The following DCC variants were observed in gnomAD, a reference collection of about 807,000 sequenced individuals.
DCC encodes DCC netrin 1 receptor.
A neutral mutation model predicts 172.5 loss-of-function variants in DCC; 58 were observed. The ratio of observed to expected loss-of-function variants is 0.34; its 90% CI spans 0.27 to 0.42. The LOEUF (loss-of-function observed/expected upper bound fraction) is 0.42. Ranked by LOEUF, DCC falls within the 10% of genes least tolerant of loss-of-function variation. DCC has a pLI of 1.00. For synonymous variants in DCC, 709 were observed against 644.5 expected (o/e 1.10, Z -1.52); for missense variants, 1,740 against 1,791.0 (o/e 0.97, Z 0.51).
At chr18:53,309,919 C>G in intron 13 of DCC, among the ~76,000 whole-genome samples, 1 of 99,552 alleles carries the variant, frequency 1.0e-5, no homozygotes, top group Admixed American at 1.2e-4. Context: ...CATATATGTG[C>G]GTGTATATAT....
At chr18:52,847,120 C>A (rs1269583725) in intron 2 of DCC, among the ~76,000 whole-genome samples, 1 of 152,170 alleles carries the variant, frequency 6.6e-6, no homozygotes, top group Non-Finnish European at 1.5e-5. Context: ...TATGTAAAAT[C>A]CCTTCCTGTA....
At chr18:53,364,785 T>C (rs1372631996) in intron 15 of DCC, among the ~76,000 whole-genome samples, 3 of 152,144 alleles carry the variant, frequency 2.0e-5, no homozygotes, top group Admixed American at 6.6e-5. Context: ...TTTATGAACA[T>C]TAGACATCAT....
chr18:52,768,720 G>A (rs2037293898), intron 2 of DCC, among the ~76,000 whole-genome samples: 2 of 152,272 alleles, frequency 1.3e-5, no homozygotes, highest in Admixed American at 6.5e-5. Context: ...GTGTGTGCAT[G>A]TGGTTTATTT....
intron 2 of DCC, among the ~76,000 whole-genome samples, chr18:52,872,253 C>A (rs775606917): frequency 1.6e-4 from 24 of 152,110 alleles, no homozygotes; most frequent in Non-Finnish European, 3.5e-4. Flanking sequence ...AAGAAAAGGA[C>A]ACTTGGCTAG....
intron 2 of DCC, among the ~76,000 whole-genome samples, chr18:52,885,195 AT>A (rs2039551528): frequency 6.6e-6 from 1 of 152,110 alleles, no homozygotes; most frequent in Non-Finnish European, 1.5e-5. Context: ...GTAGGATTCT[AT>A]GATCAGCAAG....
chr18:53,260,871 G>A lies in DCC; in HGVS notation c.1912-44707G>A, dbSNP rs538267059. On this transcript the variant is annotated intron_variant, in intron 12 of 28. Coordinates refer to ENST00000442544, the MANE Select transcript of DCC (RefSeq NM_005215.4). ...TCCACCCTGTTCGAGCTTCAGGGCC[G>A]CTTTGTTTACCTACTCAAGCCTCAG... is the stretch of plus-strand genomic sequence containing the variant. 6.2e-3 allele frequency among the ~76,000 whole-genome samples: 940 copies of A among 152,224 alleles called. 22 individuals carry two copies. Among genetic ancestry groups the A allele is most frequent in the Non-Finnish European group, 7.9e-3 (536 of 68,012 alleles).
At chr18:52,868,174 T>G (rs1568157130) in intron 2 of DCC, among the ~76,000 whole-genome samples, 1 of 151,976 alleles carries the variant, frequency 6.6e-6, no homozygotes, top group South Asian at 2.1e-4. Context: ...ATTTAACAGA[T>G]TCACCTTTTG....
chr18:52,884,579 T>G (rs562918243), intron 2 of DCC, among the ~76,000 whole-genome samples: 3 of 152,314 alleles, frequency 2.0e-5, no homozygotes, highest in African/African-American at 7.2e-5. Flanking sequence ...AAATTTCTGA[T>G]AGAATTCTGA....
intron 10 of DCC, 26 bp downstream of exon 10, chr18:53,205,390 C>T (rs1327710843): frequency 4.3e-6 from 7 of 1,610,538 alleles, no homozygotes; most frequent in Non-Finnish European, 5.9e-6. Context: ...GACCACACTG[C>T]TTCCATCTGT....
At chr18:52,861,563 G>A (rs573037870) in intron 2 of DCC, among the ~76,000 whole-genome samples, 2 of 152,296 alleles carry the variant, frequency 1.3e-5, no homozygotes, top group Admixed American at 6.5e-5. Context: ...TTGCCCACAA[G>A]AGTATAGAGC....
intron 1 of DCC, among the ~76,000 whole-genome samples, chr18:52,672,162 CA>C (rs2035566218): frequency 1.3e-5 from 2 of 152,056 alleles, no homozygotes; most frequent in East Asian, 3.9e-4. Context: ...CTCAGAATAA[CA>C]AATGTTAGTA....
In DCC at chr18:53,391,690, G is replaced by A. The variant is rs868403541; in HGVS notation, c.2491G>A (p.Asp831Asn). ...CCCAGTTGATTATTATCCTTTGCTT[G>A]ATGATTTCCCCACCTCGGTCCCAGA... The part of the protein sequence containing the change: ...TDPVDYYPLL[D>N]DFPTSVPDLS... The change falls in exon 17 of 29, where the codon GAT (aspartate) becomes AAT (asparagine). Residue 831 changes from aspartate to asparagine, a missense_variant. This residue lies in a region of DCC where 1,732 missense variants were observed against 1,767.4 expected (regional missense o/e 0.98). Coordinates refer to ENST00000442544, the MANE Select transcript of DCC (RefSeq NM_005215.4). 1 of 1,614,038 alleles carries A rather than the reference G, an allele frequency of 6.2e-7. No individual in the cohort carries two copies. The highest frequency in any genetic ancestry group is 8.5e-7 in the Non-Finnish European group (1 of 1,179,970).
intron 21 of DCC, among the ~76,000 whole-genome samples, chr18:53,429,212 C>G (rs113628361): frequency 1.9e-4 from 9 of 48,638 alleles, no homozygotes; most frequent in African/African-American, 4.0e-4. Flanking sequence ...TACTTTGGTG[C>G]TTGCAAAAAA....
intron 2 of DCC, among the ~76,000 whole-genome samples, chr18:52,764,597 C>T (rs1178515503): frequency 6.6e-6 from 1 of 152,196 alleles, no homozygotes; most frequent in Non-Finnish European, 1.5e-5. Flanking sequence ...GATGTCTGTA[C>T]ATGCTGGCTT....
intron 27 of DCC, among the ~76,000 whole-genome samples, chr18:53,502,166 A>G (rs2046109067): frequency 6.6e-6 from 1 of 151,640 alleles, no homozygotes; most frequent in Admixed American, 6.6e-5. Context: ...CTTCTTTCCT[A>G]TTTTCAGATA....
chr18:53,411,123 G>C (rs1375770285), intron 20 of DCC, among the ~76,000 whole-genome samples: 4 of 120,274 alleles, frequency 3.3e-5, no homozygotes, highest in African/African-American at 1.0e-4. Flanking sequence ...AACCAAGGTA[G>C]AAACTATAAA....
intron 1 of DCC, among the ~76,000 whole-genome samples, chr18:52,345,297 C>T (rs535478145): frequency 6.6e-6 from 1 of 152,144 alleles, no homozygotes; most frequent in Admixed American, 6.5e-5. Context: ...TGGAAAAGTA[C>T]TGTACTCCCT....
At chr18:53,358,403 G>A (rs762610549) in intron 15 of DCC, among the ~76,000 whole-genome samples, 1 of 151,774 alleles carries the variant, frequency 6.6e-6, no homozygotes, top group Admixed American at 6.6e-5. Context: ...TAGGCTTAAA[G>A]ACCAAATGAT....
chr18:52,652,957 G>T (rs1382596286), intron 1 of DCC, among the ~76,000 whole-genome samples: 1 of 152,118 alleles, frequency 6.6e-6, no homozygotes, highest in Non-Finnish European at 1.5e-5. Flanking sequence ...GGAAAAGAAT[G>T]ATGCAGGGGA....
Sources: allele counts gnomAD v4.1 joint callset (sites outside exome capture counted in the v4.1 genomes callset), GRCh38; gene constraint gnomAD v4.1.1; regional missense constraint gnomAD v4.1.1; transcripts MANE v1.5; gene names NCBI Gene and HGNC (gene_info 2026-07-23, HGNC 2026-07-21).